ERC1: variants seen among roughly 807,000 people sequenced by gnomAD.
ERC1 encodes the protein RAB6 interacting protein 2.
ERC1 carries 56 observed loss-of-function variants against 132.0 expected under a neutral mutation model. The ratio of observed to expected loss-of-function variants is 0.42; its 90% CI spans 0.34 to 0.53. ERC1 has a LOEUF of 0.53. Ranked by LOEUF, ERC1 falls within the 20% of genes least tolerant of loss-of-function variation. ERC1 has a pLI of 0.03. For missense variants in ERC1, 1,202 were observed against 1,349.9 expected (o/e 0.89, Z 1.72); for synonymous variants, 478 against 476.1 (o/e 1.00, Z -0.05).
intron 10 of ERC1, 107 bp from the exon 11 acceptor site, chr12:1,183,173 CA>C (rs1462140666): frequency 3.1e-5 from 19 of 603,782 alleles, no homozygotes; most frequent in Non-Finnish European, 4.5e-5. Context: ...GGGAGTATGT[CA>C]GCATTTGGTA....
chr12:1,469,900 CACA>C (rs1355704797), intron 18 of ERC1, among the ~76,000 whole-genome samples: 1 of 121,328 alleles, frequency 8.2e-6, no homozygotes, highest in East Asian at 2.9e-4. Flanking sequence ...CCAAGTCAGA[CACA>C]ACTTGCCATG....
chr12:1,443,147 C>T (rs2093206721), intron 17 of ERC1: 1 of 152,152 alleles, frequency 6.6e-6, no homozygotes, highest in Non-Finnish European at 1.5e-5. Context: ...GATCTGCCCT[C>T]CTCAGCCTCC....
intron 12 of ERC1, among the ~76,000 whole-genome samples, chr12:1,196,179 A>G (rs1956208571): frequency 6.6e-6 from 1 of 152,130 alleles, no homozygotes; most frequent in African/African-American, 2.4e-5. Context: ...TTCTTTTCAA[A>G]TCAGCCCACT....
chr12:1,268,994 CATGTTCAAGCTT>C (rs1228659865), intron 14 of ERC1, among the ~76,000 whole-genome samples: 1 of 152,156 alleles, frequency 6.6e-6, no homozygotes, highest in Non-Finnish European at 1.5e-5. Flanking sequence ...CTGAATGAAG[CATGTTCAAGCTT>C]ATGTTCAAGG....
At chr12:1,012,953 A>G (rs1268800009) in intron 1 of ERC1, among the ~76,000 whole-genome samples, 3 of 152,160 alleles carry the variant, frequency 2.0e-5, no homozygotes, top group South Asian at 2.1e-4. Flanking sequence ...TGGTTTTACT[A>G]TCATATTAGT....
At chr12:1,356,288 G>A (rs758119568) in intron 15 of ERC1, among the ~76,000 whole-genome samples, 8 of 150,454 alleles carry the variant, frequency 5.3e-5, no homozygotes, top group Non-Finnish European at 1.0e-4. Flanking sequence ...AGATCCAGAG[G>A]TCATATGCAA....
chr12:1,146,884 T>C (rs1271980304), intron 8 of ERC1, among the ~76,000 whole-genome samples: 2 of 152,098 alleles, frequency 1.3e-5, no homozygotes, highest in African/African-American at 4.8e-5. Flanking sequence ...TTTGGTTTTT[T>C]GTCCTTGTGA....
chr12:1,282,714 A>G (rs757818405), intron 14 of ERC1, among the ~76,000 whole-genome samples: 8 of 152,218 alleles, frequency 5.3e-5, no homozygotes, highest in Non-Finnish European at 8.8e-5. Flanking sequence ...TAATACTTCA[A>G]AAATGCTCCT....
intron 8 of ERC1, among the ~76,000 whole-genome samples, chr12:1,150,302 C>T (rs1950721985): frequency 6.6e-6 from 1 of 152,202 alleles, no homozygotes. Flanking sequence ...CAGTCAGAGG[C>T]TTCTCCTGAT....
chr12:1,103,749 G>A (rs1263122370), intron 3 of ERC1, among the ~76,000 whole-genome samples: 1 of 152,146 alleles, frequency 6.6e-6, no homozygotes, highest in Non-Finnish European at 1.5e-5. Context: ...TGTTGCCCAG[G>A]CTGGTCTCGA....
rs1939352923 is a variant in ERC1, at chr12:1,067,076, G to A, written c.670-16088G>A. On this transcript the variant is annotated intron_variant, in intron 2 of 18. Transcript: ENST00000360905. ...GCCTGCCTCCACCTCCCAAAGTGTT[G>A]GAATTACAGGTGTGAGCCTCTGTGC... 1.3e-5 allele frequency among the ~76,000 whole-genome samples: 2 copies of A among 152,040 alleles called. 1 individual carries two copies. Among genetic ancestry groups the A allele is most frequent in the South Asian group, 4.1e-4 (2 of 4,820 alleles).
At chr12:1,116,429 C>CT (rs1420241813) in intron 7 of ERC1, among the ~76,000 whole-genome samples, 1 of 152,052 alleles carries the variant, frequency 6.6e-6, no homozygotes, top group Non-Finnish European at 1.5e-5. Context: ...ATTTAAGTGT[C>CT]TTTAAGTTGT....
At chr12:1,231,763 G>A (rs376737053) in intron 12 of ERC1, among the ~76,000 whole-genome samples, 22 of 151,014 alleles carry the variant, frequency 1.5e-4, no homozygotes, top group South Asian at 4.2e-4. Flanking sequence ...TTTTTGAGAC[G>A]GAGTCTCGCT....
At chr12:1,436,944 T>A (rs1592050232) in intron 17 of ERC1, among the ~76,000 whole-genome samples, 1 of 152,250 alleles carries the variant, frequency 6.6e-6, no homozygotes, top group East Asian at 1.9e-4. Context: ...GCCCTGGAAC[T>A]GTACTGTACA....
At chr12:1,236,127 C>CAT (rs145732175) in intron 12 of ERC1, among the ~76,000 whole-genome samples, 6,771 of 151,530 alleles carry the variant, frequency 0.045, 311 homozygotes, top group African/African-American at 0.12. Context: ...ATGAACAGTT[C>CAT]ATATATATAT....
chr12:1,118,217 C>T (rs1416543094), intron 7 of ERC1, among the ~76,000 whole-genome samples: 1 of 152,202 alleles, frequency 6.6e-6, no homozygotes, highest in Admixed American at 6.5e-5. Context: ...AAGTTTGCTA[C>T]TGTAATAGCT....
At chr12:1,282,333 T>C (rs2078736427) in intron 14 of ERC1, among the ~76,000 whole-genome samples, 1 of 152,186 alleles carries the variant, frequency 6.6e-6, no homozygotes, top group South Asian at 2.1e-4. Context: ...AAAATGAGGA[T>C]AATAATACTT....
intron 16 of ERC1, among the ~76,000 whole-genome samples, chr12:1,399,871 G>A (rs2090871116): frequency 6.6e-6 from 1 of 152,114 alleles, no homozygotes. Flanking sequence ...TTTTTGCATG[G>A]AAACACGTTT....
At position 1,492,155 on chromosome 12, in the gene ERC1, G is replaced by C; in HGVS notation, c.*1925G>C. The C allele has an allele frequency of 4.3e-6, 1 of 232,896 alleles. No individual in the cohort carries two copies. Among genetic ancestry groups the C allele is most frequent in the Non-Finnish European group, 8.5e-6 (1 of 117,820 alleles). 14.4% of individuals were successfully genotyped at this position (232,896 alleles called of 1,614,324 possible). ...AAACTGTGGAGCGTTTCTTATCGAA[G>C]GTTAAATGGACTCTGCTCATAAACC... On this transcript the variant is annotated 3_prime_UTR_variant, in exon 19 of 19. Transcript: ENST00000360905.
Sources: gnomAD v4.1 joint callset for allele counts (sites outside exome capture counted in the v4.1 genomes callset) on GRCh38, gnomAD v4.1.1 for gene constraint, MANE v1.5 for transcripts, NCBI Gene and HGNC (gene_info 2026-07-23, HGNC 2026-07-21) for gene names.